The following TRPM3 variants were observed in gnomAD, a reference collection of about 807,000 sequenced individuals.
TRPM3 encodes the protein transient receptor potential cation channel subfamily M member 3, also known as long transient receptor potential channel 3.
TRPM3 carries 77 observed loss-of-function variants against 181.2 expected under a neutral mutation model. The ratio of observed to expected loss-of-function variants is 0.42; its 90% CI spans 0.35 to 0.51. The LOEUF (loss-of-function observed/expected upper bound fraction) is 0.51. Among genes scored for constraint, TRPM3 ranks in the 20% least tolerant of loss-of-function variants. The pLI, the probability that TRPM3 is intolerant of heterozygous loss-of-function variation, is 0.01. For synonymous variants in TRPM3, 745 were observed against 796.4 expected (o/e 0.94, Z 1.09); for missense variants, 1,759 against 2,196.7 (o/e 0.80, Z 3.98).
chr9:71,085,457 A>T (rs775377681), intron 1 of TRPM3, among the ~76,000 whole-genome samples: 58 of 151,774 alleles, frequency 3.8e-4, no homozygotes, highest in Non-Finnish European at 5.7e-4. Flanking sequence ...AACCCCATAA[A>T]AACCTGGGCA....
chr9:71,396,294 G>A (rs1290193299), intron 1 of TRPM3, among the ~76,000 whole-genome samples: 1 of 109,904 alleles, frequency 9.1e-6, no homozygotes, highest in Non-Finnish European at 1.9e-5. Context: ...CAAAAAAAGT[G>A]CTATTGCTAA....
chr9:71,252,033 T>C (rs1182130927), intron 1 of TRPM3, among the ~76,000 whole-genome samples: 3 of 152,176 alleles, frequency 2.0e-5, no homozygotes, highest in Non-Finnish European at 4.4e-5. Context: ...AATGATAAGA[T>C]CTCATTCTTT....
intron 1 of TRPM3, among the ~76,000 whole-genome samples, chr9:70,915,513 G>A (rs944610039): frequency 6.6e-6 from 1 of 150,556 alleles, no homozygotes; most frequent in South Asian, 2.1e-4. Flanking sequence ...CACCGTGTTA[G>A]CCAGGATGGT....
At chr9:71,133,132 C>T (rs13292388) in intron 1 of TRPM3, among the ~76,000 whole-genome samples, 2,554 of 151,870 alleles carry the variant, frequency 0.017, 34 homozygotes, top group South Asian at 0.064. Context: ...AGTATAAGAA[C>T]GTCCTTATTA....
At chr9:71,390,908 G>C (rs1040916683) in intron 1 of TRPM3, among the ~76,000 whole-genome samples, 5 of 151,872 alleles carry the variant, frequency 3.3e-5, no homozygotes, top group African/African-American at 1.2e-4. Flanking sequence ...TGAGTGTGGG[G>C]AAAATTATAG....
intron 1 of TRPM3, among the ~76,000 whole-genome samples, chr9:71,282,311 GAAAGAAAGA>G (rs1183054486): frequency 7.5e-5 from 6 of 79,694 alleles, no homozygotes; most frequent in Admixed American, 1.1e-4. Context: ...AAGAACGAAA[GAAAGAAAGA>G]AAGGAAAGAA....
intron 24 of TRPM3, among the ~76,000 whole-genome samples, chr9:70,551,742 T>C (rs1208148264): frequency 6.6e-6 from 1 of 152,140 alleles, no homozygotes; most frequent in Non-Finnish European, 1.5e-5. Context: ...CTGCCCCTGA[T>C]TTTGTATCCC....
intron 1 of TRPM3, among the ~76,000 whole-genome samples, chr9:70,874,092 T>A (rs2095834689): frequency 6.6e-6 from 1 of 151,934 alleles, no homozygotes; most frequent in Admixed American, 6.6e-5. Flanking sequence ...AAATTATGAT[T>A]TACAATGATA....
intron 1 of TRPM3, among the ~76,000 whole-genome samples, chr9:71,236,574 A>C (rs2081362191): frequency 6.6e-6 from 1 of 152,214 alleles, no homozygotes; most frequent in African/African-American, 2.4e-5. Context: ...AAACCTCCAG[A>C]GAATCCTCTG....
At chr9:71,217,435 T>G (rs1018843529) in intron 1 of TRPM3, among the ~76,000 whole-genome samples, 2 of 152,114 alleles carry the variant, frequency 1.3e-5, no homozygotes, top group African/African-American at 4.8e-5. Context: ...AGTGTTTGGC[T>G]TCCATAATAA....
At chr9:71,310,235 T>C (rs2087786359) in intron 1 of TRPM3, among the ~76,000 whole-genome samples, 1 of 152,060 alleles carries the variant, frequency 6.6e-6, no homozygotes, top group African/African-American at 2.4e-5. Flanking sequence ...TATGTTGTTA[T>C]TTTCAGATGG....
At chr9:71,313,443 T>C (rs900186946) in intron 1 of TRPM3, among the ~76,000 whole-genome samples, 1 of 152,138 alleles carries the variant, frequency 6.6e-6, no homozygotes, top group African/African-American at 2.4e-5. Flanking sequence ...AGGCAAAACA[T>C]AGCAAATGCA....
At chr9:70,796,701 CT>C (rs1329164797) in intron 6 of TRPM3, among the ~76,000 whole-genome samples, 1 of 152,156 alleles carries the variant, frequency 6.6e-6, no homozygotes, top group Non-Finnish European at 1.5e-5. Context: ...TGAGTAATGA[CT>C]TTTGATGTGG....
chr9:71,222,503 A>T (rs145029138), intron 1 of TRPM3, among the ~76,000 whole-genome samples: 56 of 152,342 alleles, frequency 3.7e-4, no homozygotes, highest in African/African-American at 1.3e-3. Flanking sequence ...GAGGAGGTGG[A>T]ACAAGATGGC....
chr9:70,887,417 A>G lies in TRPM3; in HGVS notation c.178-22906T>C, dbSNP rs577049380. Among the ~76,000 whole-genome samples, 11 of 152,328 alleles carry G rather than the reference A, an allele frequency of 7.2e-5. No individual in the cohort carries two copies. In the South Asian group the frequency reaches 2.1e-3, roughly 29 times the overall value. ...TAAAGTGTTAATCAAACTTAGAAAT[A>G]ATATACAGAATAGAAATCTAAAAAT... On this transcript the variant is annotated intron_variant, in intron 1 of 25. Transcript: ENST00000677713.
chr9:71,369,840 A>G (rs570630695), intron 1 of TRPM3, among the ~76,000 whole-genome samples: 1 of 152,356 alleles, frequency 6.6e-6, no homozygotes, highest in South Asian at 2.1e-4. Flanking sequence ...CGCTTCTCAC[A>G]GATTCAAGAT....
At chr9:71,132,557 T>A (rs1198137935) in intron 1 of TRPM3, among the ~76,000 whole-genome samples, 1 of 152,292 alleles carries the variant, frequency 6.6e-6, no homozygotes, top group South Asian at 2.1e-4. Flanking sequence ...GTTACACAAC[T>A]GTATAGAATT....
At chr9:70,562,516 C>T (rs1190478073) in intron 22 of TRPM3, among the ~76,000 whole-genome samples, 1 of 151,930 alleles carries the variant, frequency 6.6e-6, no homozygotes, top group African/African-American at 2.4e-5. Context: ...ACAGTTTCAG[C>T]TTTGAGCTAT....
intron 1 of TRPM3, among the ~76,000 whole-genome samples, chr9:70,916,272 G>A (rs917800733): frequency 6.6e-6 from 1 of 152,082 alleles, no homozygotes; most frequent in African/African-American, 2.4e-5. Flanking sequence ...GAAAGAAAGG[G>A]ACATTAATGA....
Sources: gnomAD v4.1 joint callset for allele counts (sites outside exome capture counted in the v4.1 genomes callset) on GRCh38, gnomAD v4.1.1 for gene constraint, MANE v1.5 for transcripts, NCBI Gene and HGNC (gene_info 2026-07-23, HGNC 2026-07-21) for gene names.